Variants in MRPL1 observed in about 807,000 individuals in gnomAD.
The protein encoded by MRPL1 is large ribosomal subunit protein uL1m.
Under a neutral mutation model 38.0 loss-of-function variants are expected in MRPL1, and 28 were observed. The ratio of observed to expected loss-of-function variants is 0.74; its 90% CI spans 0.55 to 1.01. MRPL1 has a LOEUF of 1.01. MRPL1 is among the 50% of genes least tolerant of loss of function. The pLI is 0.00. For synonymous variants in MRPL1, 123 were observed against 126.7 expected (o/e 0.97, Z 0.20); for missense variants, 358 against 389.8 (o/e 0.92, Z 0.69).
intron 4 of MRPL1, among the ~76,000 whole-genome samples, chr4:77,886,134 A>G (rs756676451): frequency 2.6e-5 from 4 of 152,140 alleles, no homozygotes; most frequent in African/African-American, 4.8e-5. Flanking sequence ...ATGGTTCTGA[A>G]TGTAATATCC....
intron 6 of MRPL1, among the ~76,000 whole-genome samples, chr4:77,906,451 G>A (rs893872890): frequency 5.3e-5 from 8 of 152,212 alleles, no homozygotes; most frequent in Admixed American, 4.6e-4. Flanking sequence ...ATTTTGAAAA[G>A]GAAGATTTTA....
At chr4:77,949,645 T>C (rs1286390192) in intron 7 of MRPL1, 152 bp from the exon 8 acceptor site, 1 of 457,574 alleles carries the variant, frequency 2.2e-6, no homozygotes. Context: ...AATGTGGCAT[T>C]CGAAACAAAG....
intron 2 of MRPL1, 52 bp from the exon 3 acceptor site, chr4:77,883,190 A>ATTT (rs755712731): frequency 8.5e-7 from 1 of 1,177,570 alleles, no homozygotes; most frequent in African/African-American, 1.6e-5. Flanking sequence ...TTTTTTTAAA[A>ATTT]AAAATCTCTT....
intron 7 of MRPL1, among the ~76,000 whole-genome samples, chr4:77,936,447 T>G (rs1736981457): frequency 6.6e-6 from 1 of 152,204 alleles, no homozygotes; most frequent in Admixed American, 6.5e-5. Context: ...TAGCAAAGAC[T>G]TACAAAACAA....
Position 77,887,279 on chromosome 4 carries a change from T to A in MRPL1, c.546T>A (p.Ser182Arg). The A allele has an allele frequency of 1.2e-6, 2 of 1,613,372 alleles. No individual in the cohort carries two copies. The highest frequency in any genetic ancestry group is 1.7e-6 in the Non-Finnish European group (2 of 1,179,284). ...GAGCTGCATTTGCAGGAGGCACTAG[T>A]CTGATACAGAAGGTACAGTGTTGTT... The part of the protein sequence containing the change: ...ENGAAFAGGT[S>R]LIQKIWDDEI... Residue 182 changes from serine (S) to arginine (R), a missense_variant, in exon 5 of 9, where the codon AGT becomes AGA. Physicochemically the swap from Ser to Arg is moderately radical, Grantham distance 110. Transcript: ENST00000315567.
At chr4:77,926,707 C>G (rs1478904835) in intron 7 of MRPL1, among the ~76,000 whole-genome samples, 2 of 150,166 alleles carry the variant, frequency 1.3e-5, no homozygotes, top group African/African-American at 4.9e-5. Context: ...CTCCTGGGTT[C>G]AGGTGATTCT....
chr4:77,901,013 A>T (rs1432389639), intron 6 of MRPL1, among the ~76,000 whole-genome samples: 2 of 152,112 alleles, frequency 1.3e-5, no homozygotes, highest in African/African-American at 4.8e-5. Flanking sequence ...AGGGGGAAGG[A>T]TCTAGAATGA....
chr4:77,941,217 A>C (rs1223936698), intron 7 of MRPL1, among the ~76,000 whole-genome samples: 1 of 151,966 alleles, frequency 6.6e-6, no homozygotes, highest in Non-Finnish European at 1.5e-5. Flanking sequence ...ATGATCCAGG[A>C]TCACGCAATT....
chr4:77,880,100 A>G (rs899695325), intron 2 of MRPL1, among the ~76,000 whole-genome samples: 13 of 152,220 alleles, frequency 8.5e-5, no homozygotes, highest in African/African-American at 3.1e-4. Flanking sequence ...CATCTCTGCC[A>G]TAACAAATTA....
chr4:77,886,314 C>G (rs1392978821), intron 4 of MRPL1, among the ~76,000 whole-genome samples: 2 of 151,988 alleles, frequency 1.3e-5, no homozygotes, highest in Non-Finnish European at 2.9e-5. Flanking sequence ...ACTGCGGGTG[C>G]TAGCCACTAT....
At chr4:77,876,589 A>G (rs1056090877) in intron 2 of MRPL1, among the ~76,000 whole-genome samples, 2 of 152,216 alleles carry the variant, frequency 1.3e-5, no homozygotes, top group South Asian at 2.1e-4. Context: ...GTTACTTAGT[A>G]GTTTGATGAG....
chr4:77,905,165 TA>T (rs958854882), intron 6 of MRPL1, among the ~76,000 whole-genome samples: 18 of 152,076 alleles, frequency 1.2e-4, no homozygotes, highest in African/African-American at 4.3e-4. Flanking sequence ...CCTAATTTTT[TA>T]AAAAAGGGGC....
intron 3 of MRPL1, among the ~76,000 whole-genome samples, chr4:77,885,006 GTT>G (rs566531354): frequency 1.8e-4 from 28 of 151,886 alleles, no homozygotes; most frequent in Non-Finnish European, 3.8e-4. Context: ...AGAGATTTTA[GTT>G]TTTTATTCTC....
At chr4:77,905,472 G>C (rs1736135631) in intron 6 of MRPL1, among the ~76,000 whole-genome samples, 1 of 138,512 alleles carries the variant, frequency 7.2e-6, no homozygotes, top group South Asian at 2.3e-4. Context: ...ACTCCAGCCT[G>C]GGCAACAGAG....
chr4:77,940,656 A>G (rs769458231), intron 7 of MRPL1, among the ~76,000 whole-genome samples: 1 of 152,126 alleles, frequency 6.6e-6, no homozygotes, highest in Non-Finnish European at 1.5e-5. Flanking sequence ...ACTTTTCCCC[A>G]TTCAGTATTT....
chr4:77,886,795 T>C (rs550787955), intron 4 of MRPL1, among the ~76,000 whole-genome samples: 6 of 138,150 alleles, frequency 4.3e-5, no homozygotes, highest in South Asian at 2.5e-4. Context: ...TTTTCTTTTT[T>C]TTTTTTTTTT....
chr4:77,928,274 C>T, intron 7 of MRPL1, among the ~76,000 whole-genome samples: 1 of 152,126 alleles, frequency 6.6e-6, no homozygotes, highest in East Asian at 1.9e-4. Flanking sequence ...AGTGAATGTT[C>T]TGGAGTTCAG....
intron 7 of MRPL1, among the ~76,000 whole-genome samples, chr4:77,928,656 A>G (rs1353055013): frequency 6.6e-6 from 1 of 152,174 alleles, no homozygotes; most frequent in African/African-American, 2.4e-5. Flanking sequence ...GGAAAAACTA[A>G]TATTTATCCA....
Position 77,949,877 on chromosome 4 carries a change from G to A in MRPL1, c.858G>A (p.Leu286=), listed in dbSNP as rs751269068. ...TTTGTAGGCACAGACCGCTGAATTT[G>A]GGTAAGTGGTTTGCTGAGGGTAGAC... ...NEVCRHRPLN[L]GPFVVRAFLR... The change falls in exon 8 of 9, where the codon TTG becomes TTA. Residue 286 remains leucine (L), a splice_region_variant and synonymous_variant. Transcript: ENST00000315567. 3 of 1,603,884 alleles carry A rather than the reference G, an allele frequency of 1.9e-6. No individual in the cohort carries two copies. The highest frequency in any genetic ancestry group is 1.3e-5 in the African/African-American group (1 of 74,652).
Sources: gnomAD v4.1 joint callset for allele counts (sites outside exome capture counted in the v4.1 genomes callset) on GRCh38, gnomAD v4.1.1 for gene constraint, MANE v1.5 for transcripts, NCBI Gene and HGNC (gene_info 2026-07-23, HGNC 2026-07-21) for gene names.